Variants in LARP1B observed in about 807,000 individuals in gnomAD.
The protein encoded by LARP1B is La ribonucleoprotein 1B.
In LARP1B, 76 loss-of-function variants were observed where a neutral mutation model predicts 114.2. The ratio of observed to expected loss-of-function variants is 0.67; its 90% confidence interval spans 0.55 to 0.81. The LOEUF (loss-of-function observed/expected upper bound fraction) is 0.81. Among genes scored for constraint, LARP1B ranks in the 30% least tolerant of loss-of-function variants. The probability of loss-of-function intolerance (pLI) is 0.00; values close to 1 mark genes in which losing one functional copy is unlikely to be tolerated. For synonymous variants in LARP1B, 345 were observed against 348.0 expected (o/e 0.99, Z 0.10); for missense variants, 1,014 against 1,075.8 (o/e 0.94, Z 0.80).
downstream of LARP1B, among the ~76,000 whole-genome samples, chr4:128,214,813 GAGA>G (rs1759416891): frequency 3.3e-5 from 1 of 30,600 alleles, no homozygotes; most frequent in African/African-American, 1.4e-4. Flanking sequence ...GACGAGCTGA[GAGA>G]AGAAGGCTTC....
At position 128,089,621 on chromosome 4, in the gene LARP1B, C is replaced by T. The variant is rs572201208; in HGVS notation, c.359-1380C>T. Among the ~76,000 whole-genome samples the T allele has an allele frequency of 2.0e-5, 3 of 152,244 alleles. No homozygotes were observed. In the South Asian group the frequency reaches 6.2e-4, roughly 32 times the overall value. On this transcript the variant is annotated intron_variant, in intron 5 of 19. Coordinates refer to ENST00000326639, the MANE Select transcript of LARP1B (RefSeq NM_018078.4). ...AAAGTGCTGGGATTACAGGTGTGAG[C>T]CACCGCACCCGGCTAATGTTCTACC...
At chr4:128,119,818 T>C (rs1475262445) in intron 10 of LARP1B, among the ~76,000 whole-genome samples, 1 of 152,226 alleles carries the variant, frequency 6.6e-6, no homozygotes, top group Admixed American at 6.5e-5. Flanking sequence ...TTTTCAGTAT[T>C]GATGTGGATT....
intron 8 of LARP1B, among the ~76,000 whole-genome samples, chr4:128,098,775 T>A (rs868015542): frequency 0.16 from 3,583 of 23,056 alleles, 157 homozygotes; most frequent in South Asian, 0.21. Context: ...ATATTTTTTT[T>A]TTTTTTTTTT....
intron 12 of LARP1B, among the ~76,000 whole-genome samples, chr4:128,166,960 CTCTCTCTCTCTATATA>C (rs1307798291): frequency 3.6e-5 from 4 of 111,424 alleles, no homozygotes; most frequent in Admixed American, 9.6e-5. Context: ...CTCTCTCTCT[CTCTCTCTCTCTATATA>C]TATATATATA....
At chr4:128,092,213 CAT>C (rs1020333571) in intron 7 of LARP1B, among the ~76,000 whole-genome samples, 2 of 152,140 alleles carry the variant, frequency 1.3e-5, no homozygotes, top group East Asian at 1.9e-4. Flanking sequence ...TGCAAATTAA[CAT>C]AAATAAAAAA....
chr4:128,135,141 A>G (rs1193350123), intron 11 of LARP1B, among the ~76,000 whole-genome samples: 2 of 148,720 alleles, frequency 1.3e-5, no homozygotes, highest in African/African-American at 4.9e-5. Context: ...AAATAAATAA[A>G]TAAAAAGGAT....
In LARP1B at chr4:128,073,572, G is replaced by GTTT. The variant is rs568197117; in HGVS notation, c.-77-853_-77-851dup. On this transcript the variant is annotated intron_variant, in intron 1 of 19. Transcript: ENST00000326639. ...AATTTTCTCCTGTTATATTGTTGTC[G>GTTT]TTTTTTTTTTTTTTTTTTTTTTTTT... is the stretch of plus-strand genomic sequence containing the variant. 2.7e-4 allele frequency among the ~76,000 whole-genome samples: 11 copies of GTTT among 40,004 alleles called. 4 individuals carry two copies. Among genetic ancestry groups the GTTT allele is most frequent in the East Asian group, 1.9e-3 (2 of 1,074 alleles). 26.2% of individuals were successfully genotyped at this position (40,004 alleles called of 152,430 possible).
At chr4:128,200,241 T>C (rs1755533641) in intron 16 of LARP1B, among the ~76,000 whole-genome samples, 1 of 152,188 alleles carries the variant, frequency 6.6e-6, no homozygotes, top group Non-Finnish European at 1.5e-5. Context: ...GAAGACAATT[T>C]TTCCATGGGG....
chr4:128,109,938 C>T (rs1026650985), intron 9 of LARP1B, among the ~76,000 whole-genome samples: 2 of 145,208 alleles, frequency 1.4e-5, no homozygotes, highest in Middle Eastern at 3.2e-3. Context: ...GAGCCTCACT[C>T]TGTCGCTCAG....
At chr4:128,122,465 T>G in intron 11 of LARP1B, 1 of 1,521,312 alleles carries the variant, frequency 6.6e-7, no homozygotes, top group Non-Finnish European at 8.7e-7. Context: ...TTTTGTTTTT[T>G]TTTGTTTTTG....
chr4:128,088,013 T>C (rs909493637), intron 5 of LARP1B, among the ~76,000 whole-genome samples: 4 of 151,730 alleles, frequency 2.6e-5, no homozygotes, highest in Admixed American at 6.6e-5. Flanking sequence ...TATAAGAAAA[T>C]AGACAAAGTT....
chr4:128,147,930 G>T (rs1165757255), intron 11 of LARP1B, among the ~76,000 whole-genome samples: 4 of 151,450 alleles, frequency 2.6e-5, no homozygotes, highest in East Asian at 1.9e-4. Flanking sequence ...ACTTTTTTTT[G>T]AAATTGGCTC....
chr4:128,156,321 A>G, intron 11 of LARP1B: 3 of 676,324 alleles, frequency 4.4e-6, no homozygotes, highest in Non-Finnish European at 7.8e-6. Flanking sequence ...CTGCTTCTCC[A>G]TCCCTCTAAT....
At chr4:128,150,393 A>G (rs1259322987) in intron 11 of LARP1B, among the ~76,000 whole-genome samples, 1 of 151,686 alleles carries the variant, frequency 6.6e-6, no homozygotes, top group African/African-American at 2.4e-5. Flanking sequence ...CCTGGGCTCA[A>G]GGGAGTCTTC....
At chr4:128,154,671 A>T (rs750566918) in intron 11 of LARP1B, among the ~76,000 whole-genome samples, 3 of 152,202 alleles carry the variant, frequency 2.0e-5, no homozygotes, top group Non-Finnish European at 4.4e-5. Context: ...ATCTTATTTG[A>T]TAAATTTTGT....
intron 4 of LARP1B, among the ~76,000 whole-genome samples, chr4:128,081,845 G>A (rs1438681683): frequency 1.3e-5 from 2 of 152,062 alleles, no homozygotes; most frequent in African/African-American, 2.4e-5. Context: ...AGCTATTCTC[G>A]TGCCTCAGCC....
intron 9 of LARP1B, chr4:128,108,523 A>T: frequency 5.1e-6 from 5 of 985,546 alleles, no homozygotes; most frequent in Non-Finnish European, 6.0e-6. Context: ...CCATCAACAA[A>T]GCATCGATGA....
At chr4:128,064,732 T>G (rs1230601276) in intron 1 of LARP1B, among the ~76,000 whole-genome samples, 1 of 152,098 alleles carries the variant, frequency 6.6e-6, no homozygotes, top group East Asian at 1.9e-4. Flanking sequence ...ACCAGTATCA[T>G]AGATTTTAAA....
At chr4:128,073,503 G>GAAGT (rs1553989845) in intron 1 of LARP1B, among the ~76,000 whole-genome samples, 1 of 117,250 alleles carries the variant, frequency 8.5e-6, no homozygotes, top group Non-Finnish European at 1.6e-5. Context: ...CAGCATGAGA[G>GAAGT]AAATAAAGAG....
Sources: allele counts gnomAD v4.1 joint callset (sites outside exome capture counted in the v4.1 genomes callset), GRCh38; gene constraint gnomAD v4.1.1; transcripts MANE v1.5; gene names NCBI Gene and HGNC (gene_info 2026-07-23, HGNC 2026-07-21).